NAALADL2: variants seen among roughly 807,000 people sequenced by gnomAD.
NAALADL2 encodes N-acetylated alpha-linked acidic dipeptidase like 2, also known as inactive N-acetylated-alpha-linked acidic dipeptidase-like protein 2.
In NAALADL2, 76 loss-of-function variants were observed where a neutral mutation model predicts 87.2. That is an observed-to-expected ratio of 0.87 (90% CI 0.72 to 1.05). The LOEUF is 1.05. Ranked by LOEUF, NAALADL2 falls within the 50% of genes least tolerant of loss-of-function variation. NAALADL2 has a pLI of 0.00. For missense variants in NAALADL2, 1,089 were observed against 945.8 expected (o/e 1.15, Z -1.99); for synonymous variants, 354 against 331.0 (o/e 1.07, Z -0.75).
chr3:175,791,896 T>C (rs1752827528), intron 13 of NAALADL2, among the ~76,000 whole-genome samples: 1 of 145,338 alleles, frequency 6.9e-6, no homozygotes, highest in Non-Finnish European at 1.5e-5. Flanking sequence ...GAATTTGCTT[T>C]TAGAGTTCCC....
intron 3 of NAALADL2, among the ~76,000 whole-genome samples, chr3:174,804,523 G>C (rs1296235283): frequency 2.0e-5 from 3 of 152,144 alleles, no homozygotes; most frequent in Non-Finnish European, 2.9e-5. Flanking sequence ...AGTGGTGAGA[G>C]AGGGCATCCT....
chr3:174,975,466 G>A (rs1310509896), intron 1 of NAALADL2, among the ~76,000 whole-genome samples: 2 of 152,034 alleles, frequency 1.3e-5, no homozygotes, highest in African/African-American at 4.8e-5. Context: ...CCTTGTATAG[G>A]TTGATGCAAA....
chr3:175,794,100 A>G (rs553397183), intron 13 of NAALADL2, among the ~76,000 whole-genome samples: 2 of 152,350 alleles, frequency 1.3e-5, no homozygotes, highest in African/African-American at 4.8e-5. Flanking sequence ...CTAAAGAACA[A>G]TGGAAAAAGG....
intron 1 of NAALADL2, among the ~76,000 whole-genome samples, chr3:174,478,121 T>C (rs550671449): frequency 1.3e-5 from 2 of 152,286 alleles, no homozygotes; most frequent in African/African-American, 4.8e-5. Context: ...AATTTAAAAT[T>C]ACTTTTAACA....
intron 2 of NAALADL2, among the ~76,000 whole-genome samples, chr3:175,227,137 C>T (rs572603994): frequency 4.6e-5 from 7 of 152,052 alleles, no homozygotes; most frequent in Non-Finnish European, 8.8e-5. Flanking sequence ...TCTAGTTCAT[C>T]GTTCTTTAGA....
chr3:174,688,328 C>T (rs572168), intron 2 of NAALADL2, among the ~76,000 whole-genome samples: 114,380 of 152,006 alleles, frequency 0.75, 43,211 homozygotes, highest in East Asian at 0.89. Flanking sequence ...ACCTGATATA[C>T]AAGTAAGCAG....
At chr3:174,786,520 T>G (rs1716697803) in intron 3 of NAALADL2, among the ~76,000 whole-genome samples, 1 of 151,932 alleles carries the variant, frequency 6.6e-6, no homozygotes, top group Non-Finnish European at 1.5e-5. Flanking sequence ...ATTCTTGTTA[T>G]TTTTGGGTAG....
Position 175,279,486 on chromosome 3 carries a change from G to GT in NAALADL2, c.939+22966dup, listed in dbSNP as rs547012567. Among the ~76,000 whole-genome samples, 836 of 147,484 alleles carry GT rather than the reference G, an allele frequency of 5.7e-3. 7 individuals carry two copies. The highest frequency in any genetic ancestry group is 8.4e-3 in the Non-Finnish European group (562 of 66,794). ...ATATACCTTTAATTAAAAACATGAG[G>GT]TTTTTTTTTTAAAAAAATCTCCATT... On this transcript the variant is annotated intron_variant, in intron 4 of 13. Transcript: ENST00000454872.
intron 10 of NAALADL2, among the ~76,000 whole-genome samples, chr3:175,624,331 G>A (rs1469534177): frequency 2.0e-5 from 3 of 151,898 alleles, no homozygotes; most frequent in African/African-American, 4.8e-5. Flanking sequence ...TTCCTAAATG[G>A]ATTCTTCTTT....
chr3:175,181,827 G>A (rs1736607116), intron 2 of NAALADL2, among the ~76,000 whole-genome samples: 1 of 149,994 alleles, frequency 6.7e-6, no homozygotes, highest in Non-Finnish European at 1.5e-5. Flanking sequence ...ATTCACTATT[G>A]TGAATAATGC....
intron 3 of NAALADL2, among the ~76,000 whole-genome samples, chr3:174,837,913 C>A (rs993382370): frequency 6.6e-6 from 1 of 151,622 alleles, no homozygotes; most frequent in Admixed American, 6.6e-5. Flanking sequence ...GGTGCCAATC[C>A]TGTTGACACT....
At chr3:174,573,447 G>A (rs1411613046) in intron 2 of NAALADL2, among the ~76,000 whole-genome samples, 1 of 152,066 alleles carries the variant, frequency 6.6e-6, no homozygotes, top group African/African-American at 2.4e-5. Flanking sequence ...TTTGCTGATC[G>A]CATGGTGTAA....
chr3:174,546,778 C>T (rs1187670447), intron 1 of NAALADL2, among the ~76,000 whole-genome samples: 1 of 152,156 alleles, frequency 6.6e-6, no homozygotes, highest in Non-Finnish European at 1.5e-5. Flanking sequence ...CCGCCTCAGC[C>T]TCTGGAGTAG....
intron 5 of NAALADL2, among the ~76,000 whole-genome samples, chr3:175,428,686 C>G (rs1325074537): frequency 6.6e-6 from 1 of 152,048 alleles, no homozygotes; most frequent in Non-Finnish European, 1.5e-5. Flanking sequence ...CCACCATGAG[C>G]AAAGCCAACT....
chr3:174,486,407 G>C (rs1002018586), intron 1 of NAALADL2, among the ~76,000 whole-genome samples: 1 of 151,984 alleles, frequency 6.6e-6, no homozygotes, highest in African/African-American at 2.4e-5. Context: ...TCGATGGCTG[G>C]GTCCCCCTAG....
intron 10 of NAALADL2, among the ~76,000 whole-genome samples, chr3:175,592,307 C>CTT (rs758914649): frequency 0.025 from 1,088 of 43,064 alleles, 8 homozygotes; most frequent in Non-Finnish European, 0.06. Context: ...TTTTTCTTTT[C>CTT]TTTTTTTTTT....
intron 1 of NAALADL2, among the ~76,000 whole-genome samples, chr3:175,053,646 G>A (rs1010194008): frequency 6.6e-6 from 1 of 152,186 alleles, no homozygotes; most frequent in Non-Finnish European, 1.5e-5. Flanking sequence ...CTAACTTTCT[G>A]TTATACAAAG....
chr3:175,190,385 T>C (rs1191362839), intron 2 of NAALADL2, among the ~76,000 whole-genome samples: 2 of 151,712 alleles, frequency 1.3e-5, no homozygotes, highest in African/African-American at 2.4e-5. Context: ...AATAAAAAAA[T>C]GGGCAAAGAA....
chr3:175,365,600 T>G (rs1581594286), intron 5 of NAALADL2, among the ~76,000 whole-genome samples: 1 of 147,368 alleles, frequency 6.8e-6, no homozygotes, highest in African/African-American at 2.5e-5. Context: ...CAAAATAACA[T>G]GTTTGGTGGT....
Sources: allele counts gnomAD v4.1 joint callset (sites outside exome capture counted in the v4.1 genomes callset), GRCh38; gene constraint gnomAD v4.1.1; transcripts MANE v1.5; gene names NCBI Gene and HGNC (gene_info 2026-07-23, HGNC 2026-07-21).